The following MCU variants were observed in gnomAD, a reference collection of about 807,000 sequenced individuals.
MCU encodes the protein mitochondrial calcium uniporter, also known as calcium uniporter protein, mitochondrial.
MCU carries 12 observed loss-of-function variants against 45.2 expected under a neutral mutation model. The observed-to-expected ratio is 0.27, with a 90% CI of 0.17 to 0.43. The LOEUF (loss-of-function observed/expected upper bound fraction) is 0.43. Among genes scored for constraint, MCU ranks in the 20% least tolerant of loss-of-function variants. MCU has a pLI of 1.00. For synonymous variants in MCU, 160 were observed against 165.1 expected (o/e 0.97, Z 0.24); for missense variants, 324 against 436.7 (o/e 0.74, Z 2.30).
At chr10:72,816,187 A>G (rs960025108) in intron 1 of MCU, among the ~76,000 whole-genome samples, 2 of 151,668 alleles carry the variant, frequency 1.3e-5, no homozygotes, top group Non-Finnish European at 2.9e-5. Flanking sequence ...ATAATAATAA[A>G]CTCTAGAGGG....
intron 1 of MCU, among the ~76,000 whole-genome samples, chr10:72,831,905 G>A (rs138744188): frequency 6.6e-6 from 1 of 152,292 alleles, no homozygotes; most frequent in East Asian, 1.9e-4. Context: ...GGTAAGCGAT[G>A]AAGTCAGAGA....
chr10:72,836,119 AT>A (rs1844952723), intron 2 of MCU, among the ~76,000 whole-genome samples: 1 of 152,092 alleles, frequency 6.6e-6, no homozygotes, highest in Non-Finnish European at 1.5e-5. Context: ...GATAGTTTGA[AT>A]AAAAAGAATT....
chr10:72,873,788 G>GA (rs113655567), intron 6 of MCU, among the ~76,000 whole-genome samples: 4 of 152,298 alleles, frequency 2.6e-5, no homozygotes, highest in African/African-American at 7.2e-5. Context: ...TGTATGGAGA[G>GA]AGGGGGATCT....
chr10:72,727,815 C>G (rs548064402), intron 1 of MCU, among the ~76,000 whole-genome samples: 2 of 151,636 alleles, frequency 1.3e-5, no homozygotes, highest in African/African-American at 2.4e-5. Flanking sequence ...AAGAAAATAT[C>G]AGTAAGAATC....
intron 4 of MCU, among the ~76,000 whole-genome samples, chr10:72,864,402 G>T (rs1024311690): frequency 2.6e-5 from 4 of 152,154 alleles, no homozygotes; most frequent in Admixed American, 2.6e-4. Context: ...TGCTTGATAC[G>T]TACCGTAGAC....
At chr10:72,741,148 G>A (rs1170117121) in intron 1 of MCU, among the ~76,000 whole-genome samples, 2 of 145,018 alleles carry the variant, frequency 1.4e-5, no homozygotes, top group Admixed American at 7.1e-5. Context: ...CCCCCAGCCT[G>A]GAGTGCAGTG....
chr10:72,858,298 C>T (rs532223546), intron 2 of MCU, among the ~76,000 whole-genome samples: 72 of 152,162 alleles, frequency 4.7e-4, no homozygotes, highest in Admixed American at 8.5e-4. Flanking sequence ...AAAATGGCTG[C>T]GTCAGCATGA....
Position 72,692,760 on chromosome 10 carries a change from T to C in MCU, c.150+459T>C, listed in dbSNP as rs890845110. On this transcript the variant is annotated intron_variant, in intron 1 of 7. Coordinates refer to ENST00000373053, the MANE Select transcript of MCU (RefSeq NM_138357.3). ...GTGTGCCAGGAGAGTGGCAGTGCCA[T>C]GCTGCTGGGAGCTGCCCCGGAGAGC... is the stretch of plus-strand genomic sequence containing the variant. 98 of 1,352,430 alleles carry C rather than the reference T, an allele frequency of 7.2e-5. No individual in the cohort carries two copies. The African/African-American group carries it at 1.4e-3, about 20-fold the overall frequency. 83.8% of individuals were successfully genotyped at this position (1,352,430 alleles called of 1,614,324 possible).
chr10:72,830,945 G>T (rs761348759), intron 1 of MCU, among the ~76,000 whole-genome samples: 2 of 152,206 alleles, frequency 1.3e-5, no homozygotes, highest in Non-Finnish European at 2.9e-5. Flanking sequence ...CTCAAGGAAA[G>T]ATTAATTTAG....
At position 72,832,649 on chromosome 10, in the gene MCU, C is replaced by CAA. The variant is rs539046036; in HGVS notation, c.151-1707_151-1706dup. 6.8e-3 allele frequency among the ~76,000 whole-genome samples: 1,039 copies of CAA among 152,268 alleles called. 11 individuals are homozygous for CAA. The highest frequency in any genetic ancestry group is 0.024 in the African/African-American group (992 of 41,546). On this transcript the variant is annotated intron_variant, in intron 1 of 7. Coordinates refer to ENST00000373053, the MANE Select transcript of MCU (RefSeq NM_138357.3). ...TTTTTAACCCATGAAGTTAATACCT[C>CAA]AAAACAAAACATAGCTAATATTTAT...
At chr10:72,860,285 A>G (rs964563875) in intron 3 of MCU, 138 bp from the exon 4 acceptor site, 18 of 664,012 alleles carry the variant, frequency 2.7e-5, no homozygotes, top group East Asian at 1.1e-4. Context: ...CTTTGTTTGC[A>G]TAGGAAATGA....
At chr10:72,727,061 C>T (rs114123597) in intron 1 of MCU, among the ~76,000 whole-genome samples, 46 of 152,138 alleles carry the variant, frequency 3.0e-4, no homozygotes, top group African/African-American at 1.1e-3. Flanking sequence ...AAATAAAGGC[C>T]GTTTTGGCAA....
At chr10:72,848,023 A>G (rs1382248683) in intron 2 of MCU, among the ~76,000 whole-genome samples, 4 of 152,204 alleles carry the variant, frequency 2.6e-5, no homozygotes, top group Non-Finnish European at 5.9e-5. Context: ...AGTACACATC[A>G]TCACTTCAGC....
intron 1 of MCU, among the ~76,000 whole-genome samples, chr10:72,786,926 T>C (rs1197811858): frequency 1.3e-5 from 2 of 152,204 alleles, no homozygotes; most frequent in East Asian, 3.9e-4. Context: ...TGTGTGCTTT[T>C]CCACTCTCTC....
At chr10:72,834,741 A>G (rs1844931127) in intron 2 of MCU, among the ~76,000 whole-genome samples, 1 of 152,124 alleles carries the variant, frequency 6.6e-6, no homozygotes, top group South Asian at 2.1e-4. Flanking sequence ...AGCTTAGTGC[A>G]GCCTCTGCCT....
intron 1 of MCU, among the ~76,000 whole-genome samples, chr10:72,761,515 G>A (rs1485105470): frequency 1.3e-5 from 2 of 152,108 alleles, no homozygotes; most frequent in African/African-American, 4.8e-5. Flanking sequence ...TTTATGATCG[G>A]CACTGCCATG....
intron 1 of MCU, among the ~76,000 whole-genome samples, chr10:72,715,561 A>G (rs1842946804): frequency 1.3e-5 from 2 of 152,186 alleles, no homozygotes; most frequent in Admixed American, 1.3e-4. Flanking sequence ...TAGGGTGTGG[A>G]TGACCAAGGG....
intron 1 of MCU, among the ~76,000 whole-genome samples, chr10:72,779,541 G>A (rs567480653): frequency 3.4e-4 from 52 of 152,074 alleles, no homozygotes; most frequent in Non-Finnish European, 6.3e-4. Flanking sequence ...ATTTGTTAGA[G>A]GACTTGCATC....
At chr10:72,856,768 TAAAAAAAAAAAAAAA>T (rs1204072398) in intron 2 of MCU, among the ~76,000 whole-genome samples, 61 of 64,976 alleles carry the variant, frequency 9.4e-4, no homozygotes, top group East Asian at 5.8e-3. Flanking sequence ...ACCCTGTCTC[TAAAAAAAAAAAAAAA>T]AAAAAAAAAA....
Sources: gnomAD v4.1 joint callset for allele counts (sites outside exome capture counted in the v4.1 genomes callset) on GRCh38, gnomAD v4.1.1 for gene constraint, MANE v1.5 for transcripts, NCBI Gene and HGNC (gene_info 2026-07-23, HGNC 2026-07-21) for gene names.